Variants in CHN2 observed in about 807,000 individuals in gnomAD.
CHN2 encodes chimerin 2.
A neutral mutation model predicts 56.3 loss-of-function variants in CHN2; 35 were observed. The ratio of observed to expected loss-of-function variants is 0.62; its 90% CI spans 0.47 to 0.82. CHN2 has a LOEUF of 0.82. Ranked by LOEUF, CHN2 falls within the 40% of genes least tolerant of loss-of-function variation. CHN2 has a pLI of 0.00. For synonymous variants in CHN2, 210 were observed against 212.8 expected (o/e 0.99, Z 0.12); for missense variants, 491 against 580.5 (o/e 0.85, Z 1.58).
intron 1 of CHN2, among the ~76,000 whole-genome samples, chr7:29,242,635 T>A (rs1472893387): frequency 2.0e-5 from 3 of 151,996 alleles, no homozygotes; most frequent in Non-Finnish European, 4.4e-5. Context: ...GCAATTTCTC[T>A]TTGATGCTTA....
chr7:29,274,713 A>G (rs1240618556), intron 1 of CHN2, among the ~76,000 whole-genome samples: 1 of 152,240 alleles, frequency 6.6e-6, no homozygotes, highest in Admixed American at 6.5e-5. Context: ...ATTAAAACAA[A>G]CAAAACACAA....
intron 7 of CHN2, 44 bp from the exon 8 acceptor site, chr7:29,495,908 A>G (rs1401475500): frequency 6.4e-7 from 1 of 1,562,150 alleles, no homozygotes; most frequent in Non-Finnish European, 8.8e-7. Context: ...CTGCCTTTAA[A>G]TGACTCTGAG....
intron 1 of CHN2, among the ~76,000 whole-genome samples, chr7:29,272,257 T>C (rs7786020): frequency 0.085 from 12,998 of 152,166 alleles, 891 homozygotes; most frequent in African/African-American, 0.19. Flanking sequence ...ACCTCCCTCC[T>C]GCAGTCAGCC....
chr7:29,304,757 G>A (rs1283910593), intron 1 of CHN2, among the ~76,000 whole-genome samples: 1 of 152,192 alleles, frequency 6.6e-6, no homozygotes, highest in African/African-American at 2.4e-5. Context: ...CAGAAAGGAA[G>A]ATATAGGGGG....
intron 7 of CHN2, among the ~76,000 whole-genome samples, chr7:29,488,498 GCT>G (rs1000869353): frequency 6.6e-6 from 1 of 152,096 alleles, no homozygotes; most frequent in East Asian, 1.9e-4. Context: ...AGGGACTTTA[GCT>G]CTCTCTTCTG....
chr7:29,344,184 A>T (rs935836599), intron 1 of CHN2, among the ~76,000 whole-genome samples: 2 of 152,012 alleles, frequency 1.3e-5, no homozygotes, highest in Non-Finnish European at 2.9e-5. Context: ...TCAAGTTCAG[A>T]TCATTAATGT....
intron 6 of CHN2, among the ~76,000 whole-genome samples, chr7:29,429,339 G>A (rs1414373480): frequency 6.6e-6 from 1 of 152,180 alleles, no homozygotes; most frequent in Non-Finnish European, 1.5e-5. Context: ...GAATCAGGTG[G>A]TATTGCAGTA....
chr7:29,494,505 C>T (rs1235461043), intron 7 of CHN2, among the ~76,000 whole-genome samples: 1 of 152,110 alleles, frequency 6.6e-6, no homozygotes, highest in Non-Finnish European at 1.5e-5. Context: ...TGAATTATGA[C>T]ATTTGGCCCT....
At chr7:29,204,297 A>C (rs1784375792) in intron 1 of CHN2, among the ~76,000 whole-genome samples, 1 of 152,194 alleles carries the variant, frequency 6.6e-6, no homozygotes, top group South Asian at 2.1e-4. Flanking sequence ...TATATAAGTT[A>C]ATATCAAGGG....
In CHN2 at chr7:29,460,057, G is replaced by A. The variant is rs73309036; in HGVS notation, c.577-20222G>A. Among the ~76,000 whole-genome samples, 1,084 of 151,950 alleles carry A rather than the reference G, an allele frequency of 7.1e-3. 19 individuals are homozygous for A. Among genetic ancestry groups the A allele is most frequent in the African/African-American group, 0.025 (1,035 of 41,498 alleles). On this transcript the variant is annotated intron_variant, in intron 6 of 12. Transcript: ENST00000222792. ...GTTCTTCTAAAGCAAATTCCCCTTAGCATATGTACATTGAATCACCAGATT... is the reference window on the plus strand; with the variant it reads ...GTTCTTCTAAAGCAAATTCCCCTTAACATATGTACATTGAATCACCAGATT...
intron 1 of CHN2, among the ~76,000 whole-genome samples, chr7:29,224,121 G>A (rs191709368): frequency 6.6e-6 from 1 of 152,296 alleles, no homozygotes; most frequent in East Asian, 1.9e-4. Flanking sequence ...CACAGCTGAT[G>A]TTCTAAAATT....
chr7:29,259,023 TAA>T (rs34469755), intron 1 of CHN2, among the ~76,000 whole-genome samples: 256 of 142,818 alleles, frequency 1.8e-3, no homozygotes, highest in Middle Eastern at 3.6e-3. Flanking sequence ...CTATGTAGCT[TAA>T]AAAAAAAAAA....
intron 7 of CHN2, among the ~76,000 whole-genome samples, chr7:29,489,688 T>C (rs1788433774): frequency 6.6e-6 from 1 of 152,228 alleles, no homozygotes; most frequent in Non-Finnish European, 1.5e-5. Flanking sequence ...CATTTTGTTT[T>C]ATTTTTTGGG....
intron 1 of CHN2, among the ~76,000 whole-genome samples, chr7:29,326,139 T>A (rs1397082638): frequency 6.6e-6 from 1 of 151,714 alleles, no homozygotes; most frequent in Non-Finnish European, 1.5e-5. Flanking sequence ...ATTGTTTGTT[T>A]GTTTGTTTGT....
intron 3 of CHN2, among the ~76,000 whole-genome samples, chr7:29,388,479 C>T (rs1801108696): frequency 1.2e-5 from 1 of 82,974 alleles, no homozygotes; most frequent in African/African-American, 4.0e-5. Context: ...AAGCATATTA[C>T]ACATATTTAT....
At chr7:29,422,736 CA>C (rs1804471787) in intron 6 of CHN2, among the ~76,000 whole-genome samples, 1 of 152,166 alleles carries the variant, frequency 6.6e-6, no homozygotes, top group African/African-American at 2.4e-5. Flanking sequence ...CAAAGCTAAC[CA>C]GGTTTCTTTT....
chr7:29,478,208 A>G (rs986495407), intron 6 of CHN2, among the ~76,000 whole-genome samples: 1 of 152,224 alleles, frequency 6.6e-6, no homozygotes, highest in Non-Finnish European at 1.5e-5. Context: ...GGATGCTAGA[A>G]TATTCTAAAG....
chr7:29,174,452 T>A (rs928043313), intron 2 of CHN2, among the ~76,000 whole-genome samples: 1 of 152,144 alleles, frequency 6.6e-6, no homozygotes, highest in Non-Finnish European at 1.5e-5. Flanking sequence ...GACAGGAACC[T>A]GTCCAGACAA....
chr7:29,317,349 G>A (rs536620005), intron 1 of CHN2, among the ~76,000 whole-genome samples: 3 of 152,288 alleles, frequency 2.0e-5, no homozygotes, highest in South Asian at 2.1e-4. Context: ...ATCAACATAT[G>A]CGTCAGAATT....
Sources: allele counts gnomAD v4.1 joint callset (sites outside exome capture counted in the v4.1 genomes callset), GRCh38; gene constraint gnomAD v4.1.1; transcripts MANE v1.5; gene names NCBI Gene and HGNC (gene_info 2026-07-23, HGNC 2026-07-21).